Variants in MECOM observed in about 807,000 individuals in gnomAD.
MECOM encodes the protein MDS1 and EVI1 complex locus.
In MECOM, 13 loss-of-function variants were observed where a neutral mutation model predicts 116.3. That is an observed-to-expected ratio of 0.11 (90% CI 0.07 to 0.18). The LOEUF is 0.18. Among genes scored for constraint, MECOM ranks in the 10% least tolerant of loss-of-function variants. The pLI is 1.00. For missense variants in MECOM, 1,299 were observed against 1,509.0 expected (o/e 0.86, Z 2.31); for synonymous variants, 528 against 535.2 (o/e 0.99, Z 0.19).
intron 1 of MECOM, among the ~76,000 whole-genome samples, chr3:169,425,267 G>C (rs1016564456): frequency 3.9e-5 from 6 of 152,198 alleles, no homozygotes; most frequent in Admixed American, 3.9e-4. Flanking sequence ...TATCAATTAA[G>C]AGAGAAGAAA....
chr3:169,211,829 C>T (rs929871384), intron 2 of MECOM, among the ~76,000 whole-genome samples: 1 of 152,114 alleles, frequency 6.6e-6, no homozygotes, highest in Non-Finnish European at 1.5e-5. Context: ...ATCCAGTTGC[C>T]TACTTGACAT....
chr3:169,445,048 A>C (rs1744384798), intron 1 of MECOM, among the ~76,000 whole-genome samples: 1 of 152,236 alleles, frequency 6.6e-6, no homozygotes, highest in Non-Finnish European at 1.5e-5. Context: ...GGGTACTGTT[A>C]AAAGCATTCC....
chr3:169,270,406 T>C (rs988838886), intron 2 of MECOM, among the ~76,000 whole-genome samples: 2 of 152,076 alleles, frequency 1.3e-5, no homozygotes, highest in African/African-American at 4.8e-5. Context: ...TATCTATATA[T>C]ACTTATATGC....
At chr3:169,441,406 G>A (rs1358284406) in intron 1 of MECOM, among the ~76,000 whole-genome samples, 1 of 152,106 alleles carries the variant, frequency 6.6e-6, no homozygotes, top group African/African-American at 2.4e-5. Context: ...CTCTGTACCA[G>A]TACAAGCCTG....
intron 1 of MECOM, among the ~76,000 whole-genome samples, chr3:169,644,931 C>T (rs1442957675): frequency 1.3e-5 from 2 of 152,146 alleles, no homozygotes; most frequent in African/African-American, 4.8e-5. Flanking sequence ...TGCCTCTTTA[C>T]TGACTTAGTC....
At chr3:169,603,492 G>A (rs1277324548) in intron 1 of MECOM, among the ~76,000 whole-genome samples, 2 of 152,144 alleles carry the variant, frequency 1.3e-5, no homozygotes, top group Non-Finnish European at 2.9e-5. Context: ...TATAAAGTCT[G>A]CAGCAGTGTA....
rs140148178 is a variant in MECOM at position 169,315,911 on chromosome 3, G to A, written c.375+65276C>T. On this transcript the variant is annotated intron_variant, in intron 2 of 16. Coordinates refer to ENST00000651503, the MANE Select transcript of MECOM (RefSeq NM_004991.4). ...ATAGCCCCATAACATAAAAAAAATT[G>A]CCTAACACAGGTAAAGTCAAATATG... is the stretch of plus-strand genomic sequence containing the variant. 5.8e-3 allele frequency among the ~76,000 whole-genome samples: 889 copies of A among 152,138 alleles called. 7 individuals are homozygous for A. The highest frequency in any genetic ancestry group is 0.02 in the African/African-American group (827 of 41,488).
chr3:169,290,816 G>A (rs1044102595), intron 2 of MECOM, among the ~76,000 whole-genome samples: 1 of 152,134 alleles, frequency 6.6e-6, no homozygotes, highest in Admixed American at 6.6e-5. Flanking sequence ...TTAGTTTTCG[G>A]TCTATGTTAC....
At chr3:169,332,208 G>C (rs1722866167) in intron 2 of MECOM, among the ~76,000 whole-genome samples, 1 of 152,106 alleles carries the variant, frequency 6.6e-6, no homozygotes, top group Non-Finnish European at 1.5e-5. Flanking sequence ...CCTTGTCCTA[G>C]AGAGTCTGGG....
intron 1 of MECOM, among the ~76,000 whole-genome samples, chr3:169,546,575 G>A (rs1760750280): frequency 6.6e-6 from 1 of 152,220 alleles, no homozygotes; most frequent in Non-Finnish European, 1.5e-5. Context: ...CCTACGGAAA[G>A]AATAATGGCA....
intron 1 of MECOM, among the ~76,000 whole-genome samples, chr3:169,421,818 T>A (rs999117436): frequency 3.3e-5 from 5 of 152,018 alleles, no homozygotes; most frequent in African/African-American, 1.2e-4. Flanking sequence ...CCCCAGAAGG[T>A]AAGAGGTGAG....
chr3:169,272,591 G>A (rs191417419), intron 2 of MECOM, among the ~76,000 whole-genome samples: 1 of 152,222 alleles, frequency 6.6e-6, no homozygotes, highest in African/African-American at 2.4e-5. Context: ...TTTCTGACAT[G>A]GTCCTGGTAT....
chr3:169,342,587 C>T (rs1156443764), intron 2 of MECOM, among the ~76,000 whole-genome samples: 1 of 152,120 alleles, frequency 6.6e-6, no homozygotes, highest in East Asian at 1.9e-4. Context: ...AATGAAAAGA[C>T]ATGCCACTTT....
intron 2 of MECOM, among the ~76,000 whole-genome samples, chr3:169,259,297 T>C (rs1233746143): frequency 6.6e-6 from 1 of 152,164 alleles, no homozygotes; most frequent in Middle Eastern, 3.2e-3. Flanking sequence ...TCCTCCTACA[T>C]GTCTGAAGAT....
At chr3:169,114,929 C>T (rs1383350953) in intron 8 of MECOM, among the ~76,000 whole-genome samples, 1 of 152,232 alleles carries the variant, frequency 6.6e-6, no homozygotes, top group Non-Finnish European at 1.5e-5. Context: ...AACAATATGA[C>T]CAGCCCTTAT....
chr3:169,277,731 C>T (rs1759783319), intron 2 of MECOM, among the ~76,000 whole-genome samples: 1 of 152,180 alleles, frequency 6.6e-6, no homozygotes, highest in Non-Finnish European at 1.5e-5. Flanking sequence ...TTGGTTTCCT[C>T]TTGGTTCACT....
intron 1 of MECOM, among the ~76,000 whole-genome samples, chr3:169,645,761 C>G (rs1045858678): frequency 6.6e-6 from 1 of 152,126 alleles, no homozygotes; most frequent in Non-Finnish European, 1.5e-5. Context: ...ATATATAATG[C>G]TGGAAGTAGC....
At chr3:169,094,667 A>G (rs1298404033) in intron 13 of MECOM, among the ~76,000 whole-genome samples, 2 of 152,218 alleles carry the variant, frequency 1.3e-5, no homozygotes, top group Non-Finnish European at 2.9e-5. Context: ...AAAAGCAGCT[A>G]TGCTTTCTAG....
At chr3:169,563,812 T>C (rs928838158) in intron 1 of MECOM, among the ~76,000 whole-genome samples, 1 of 152,178 alleles carries the variant, frequency 6.6e-6, no homozygotes, top group Non-Finnish European at 1.5e-5. Flanking sequence ...AAAACTGTCC[T>C]CCTGTCATAA....
Sources: gnomAD v4.1 joint callset for allele counts (sites outside exome capture counted in the v4.1 genomes callset) on GRCh38, gnomAD v4.1.1 for gene constraint, MANE v1.5 for transcripts, NCBI Gene and HGNC (gene_info 2026-07-23, HGNC 2026-07-21) for gene names.